Variants in RYR2 observed in about 807,000 individuals in gnomAD.
RYR2 encodes the protein cardiac muscle ryanodine receptor-calcium release channel.
RYR2 carries 227 observed loss-of-function variants against 601.1 expected under a neutral mutation model. The observed-to-expected ratio is 0.38, with a 90% CI of 0.34 to 0.42. RYR2 has a LOEUF of 0.42. Ranked by LOEUF, RYR2 falls within the 10% of genes least tolerant of loss-of-function variation. The probability of loss-of-function intolerance (pLI) is 1.00; values close to 1 mark genes in which losing one functional copy is unlikely to be tolerated. For missense variants in RYR2, 4,646 were observed against 6,156.5 expected, an observed-to-expected ratio of 0.75 and a Z score of 8.21; for synonymous variants, 2,223 against 2,175.1, an observed-to-expected ratio of 1.02 and a Z score of -0.61.
chr1:237,379,876 C>G (rs61832494), intron 8 of RYR2, among the ~76,000 whole-genome samples: 10,546 of 152,210 alleles, frequency 0.069, 493 homozygotes, highest in East Asian at 0.19. Context: ...TAAAATTTCA[C>G]TTTCATTTGA....
At chr1:237,254,427 A>G (rs1339143281) in intron 1 of RYR2, among the ~76,000 whole-genome samples, 1 of 152,230 alleles carries the variant, frequency 6.6e-6, no homozygotes, top group Non-Finnish European at 1.5e-5. Flanking sequence ...AGCTTATGCA[A>G]TAAACCAGTC....
chr1:237,203,922 C>T (rs181417645), intron 1 of RYR2, among the ~76,000 whole-genome samples: 72 of 152,292 alleles, frequency 4.7e-4, no homozygotes, highest in African/African-American at 1.7e-3. Context: ...TGTTCTTCGA[C>T]TTCACATAAA....
intron 1 of RYR2, among the ~76,000 whole-genome samples, chr1:237,162,283 T>C (rs1350764751): frequency 6.6e-6 from 1 of 152,126 alleles, no homozygotes; most frequent in Non-Finnish European, 1.5e-5. Flanking sequence ...TGTACCTTTA[T>C]ACAGTATGTG....
In RYR2 at chr1:237,678,078, T is replaced by C. The variant is rs1438434466; in HGVS notation, c.8861T>C (p.Phe2954Ser). Residue 2954 changes from phenylalanine to serine, a missense_variant, in exon 61 of 105, where the codon TTC becomes TCC. Phe to Ser is a radical substitution (Grantham distance 155). Coordinates refer to ENST00000366574, the MANE Select transcript of RYR2 (RefSeq NM_001035.3). ...GGCAGCAGAGGCAAAGGAGAACATT[T>C]CCCTTATGAACAAGAAATCAAGTTC... ...DGGSRGKGEH[F>S]PYEQEIKFFA... 6.2e-7 allele frequency: 1 copy of C among 1,605,850 alleles called. No homozygotes were observed. The highest frequency in any genetic ancestry group is 1.7e-5 in the Admixed American group (1 of 59,610).
At chr1:237,188,009 C>A (rs115282072) in intron 1 of RYR2, among the ~76,000 whole-genome samples, 1 of 152,190 alleles carries the variant, frequency 6.6e-6, no homozygotes, top group Non-Finnish European at 1.5e-5. Context: ...TACTCCTCTC[C>A]TTGCCCAGAT....
chr1:237,049,366 C>T (rs1660972539), intron 1 of RYR2, among the ~76,000 whole-genome samples: 1 of 152,072 alleles, frequency 6.6e-6, no homozygotes, highest in African/African-American at 2.4e-5. Context: ...CTTTATTAAT[C>T]ACGGGAAGAA....
intron 24 of RYR2, among the ~76,000 whole-genome samples, chr1:237,523,154 A>T (rs2618694): frequency 1.3e-5 from 2 of 151,740 alleles, no homozygotes; most frequent in Admixed American, 6.6e-5. Context: ...AAAACCTCCT[A>T]GGATTGGGCA....
intron 86 of RYR2, among the ~76,000 whole-genome samples, 173 bp downstream of exon 86, chr1:237,772,273 TC>T (rs1694331689): frequency 6.6e-6 from 1 of 152,246 alleles, no homozygotes; most frequent in South Asian, 2.1e-4. Context: ...TATCTCTGCT[TC>T]TGAACGTGCC....
At chr1:237,631,927 C>G (rs371207380) in intron 42 of RYR2, among the ~76,000 whole-genome samples, 3 of 151,824 alleles carry the variant, frequency 2.0e-5, no homozygotes, top group African/African-American at 7.3e-5. Flanking sequence ...GCCACCGCGC[C>G]CAGCCCAGAT....
chr1:237,736,979 A>C (rs112927501), intron 79 of RYR2, among the ~76,000 whole-genome samples: 2,301 of 152,076 alleles, frequency 0.015, 64 homozygotes, highest in African/African-American at 0.053. Flanking sequence ...GGAAATGAAG[A>C]AAGAGGGAGG....
chr1:237,521,990 A>G (rs1032033501), intron 24 of RYR2, among the ~76,000 whole-genome samples: 2 of 151,952 alleles, frequency 1.3e-5, no homozygotes, highest in Non-Finnish European at 2.9e-5. Flanking sequence ...TTTTTTTATT[A>G]TACTTTAAGT....
intron 1 of RYR2, among the ~76,000 whole-genome samples, chr1:237,065,159 T>C (rs1663410143): frequency 6.6e-6 from 1 of 151,942 alleles, no homozygotes; most frequent in South Asian, 2.1e-4. Flanking sequence ...AGCATTGCTA[T>C]AAAGCGTGTA....
chr1:237,081,260 C>A (rs1665589028), intron 1 of RYR2, among the ~76,000 whole-genome samples: 1 of 120,066 alleles, frequency 8.3e-6, no homozygotes, highest in Admixed American at 8.9e-5. Flanking sequence ...TGCACATGTA[C>A]CCTAAAACTT....
chr1:237,129,626 T>C (rs1321401468), intron 1 of RYR2, among the ~76,000 whole-genome samples: 2 of 151,222 alleles, frequency 1.3e-5, no homozygotes, highest in Non-Finnish European at 2.9e-5. Context: ...GTATGAGATA[T>C]ATATATGTGT....
At chr1:237,377,039 G>A (rs1701095277) in intron 7 of RYR2, among the ~76,000 whole-genome samples, 1 of 152,216 alleles carries the variant, frequency 6.6e-6, no homozygotes, top group Non-Finnish European at 1.5e-5. Context: ...ATCAGTGTGA[G>A]TGGTGAATTT....
chr1:237,398,460 A>C (rs936535787), intron 10 of RYR2, among the ~76,000 whole-genome samples: 1 of 152,338 alleles, frequency 6.6e-6, no homozygotes. Flanking sequence ...CATGACAGCT[A>C]TTTGTCAAAG....
intron 8 of RYR2, among the ~76,000 whole-genome samples, chr1:237,381,509 A>G (rs551073070): frequency 5.9e-5 from 9 of 152,220 alleles, no homozygotes; most frequent in African/African-American, 9.6e-5. Flanking sequence ...TGATTTTACA[A>G]CTCCTTGGTG....
chr1:237,084,940 C>T (rs1666145910), intron 1 of RYR2, among the ~76,000 whole-genome samples: 1 of 152,244 alleles, frequency 6.6e-6, no homozygotes, highest in African/African-American at 2.4e-5. Flanking sequence ...GCCGACAGAG[C>T]TGTATTCCCC....
chr1:237,755,227 T>C, intron 80 of RYR2: 1 of 500,664 alleles, frequency 2.0e-6, no homozygotes, highest in Non-Finnish European at 3.1e-6. Flanking sequence ...ATTTTTCATA[T>C]TCTGTAACTA....
Sources: allele counts gnomAD v4.1 joint callset (sites outside exome capture counted in the v4.1 genomes callset), GRCh38; gene constraint gnomAD v4.1.1; transcripts MANE v1.5; gene names NCBI Gene and HGNC (gene_info 2026-07-23, HGNC 2026-07-21).